ZNF44: variants seen among roughly 807,000 people sequenced by gnomAD.
ZNF44 encodes the protein zinc finger protein 44.
ZNF44 carries 9 observed loss-of-function variants against 11.7 expected under a neutral mutation model. That is an observed-to-expected ratio of 0.77 (90% CI 0.46 to 1.35). The LOEUF (loss-of-function observed/expected upper bound fraction) is 1.35. ZNF44 is among the 40% of genes most tolerant of loss of function. The pLI is 0.00. For synonymous variants in ZNF44, 224 were observed against 242.7 expected, an observed-to-expected ratio of 0.92 and a Z score of 0.72; for missense variants, 696 against 743.1, an observed-to-expected ratio of 0.94 and a Z score of 0.74.
intron 1 of ZNF44, among the ~76,000 whole-genome samples, chr19:12,292,855 G>GTTTTTTTTTTTTTT (rs71166664): frequency 3.9e-4 from 30 of 76,932 alleles, no homozygotes; most frequent in African/African-American, 1.4e-3. Context: ...CAGAGGTTAG[G>GTTTTTTTTTTTTTT]TTTTTTTTTT....
In ZNF44 at chr19:12,256,703, T is replaced by C. The variant is rs890408423; in HGVS notation, c.1913-6335A>G. On this transcript the variant is annotated intron_variant and NMD_transcript_variant, in intron 5 of 7. Transcript: ENST00000393337. ...TCCCCAGAGAGCAATTACTCTTTTT[T>C]TTTTTTTTTTTTTTTGAGACGGAGT... is the stretch of plus-strand genomic sequence containing the variant. Among the ~76,000 whole-genome samples, 4 of 144,806 alleles carry C rather than the reference T, an allele frequency of 2.8e-5. No homozygotes were observed. In the South Asian group the frequency reaches 8.9e-4, roughly 32 times the overall value. 95.0% of individuals were successfully genotyped at this position (144,806 alleles called of 152,430 possible).
At chr19:12,259,638 C>A (rs981804780) in intron 5 of ZNF44, among the ~76,000 whole-genome samples, 1 of 151,826 alleles carries the variant, frequency 6.6e-6, no homozygotes, top group Admixed American at 6.6e-5. Flanking sequence ...TATTTTTTTT[C>A]CCCACCAGAG....
Position 12,273,631 on chromosome 19 carries a change from C to A in ZNF44, c.624G>T (p.Trp208Cys), listed in dbSNP as rs1967076291. ...TTTCATGCATACGTAATAAACTGGG[C>A]CAAAAAAAGGCTTTCCCACACAATT... Reference protein sequence around the residue: ...KCELCGKAFFWPSLLRMHERT... With the variant: ...KCELCGKAFFCPSLLRMHERT... Residue 208 changes from tryptophan to cysteine, a missense_variant, in exon 4 of 4, where the codon TGG becomes TGT. Physicochemically the swap from Trp to Cys is radical, Grantham distance 215 (BLOSUM62 -2). Transcript: ENST00000355684. 2.5e-6 allele frequency: 4 copies of A among 1,613,724 alleles called. No individual in the cohort carries two copies. Among genetic ancestry groups the A allele is most frequent in the Admixed American group, 1.7e-5 (1 of 60,000 alleles).
downstream of ZNF44, chr19:12,271,777 A>G (rs185544040): frequency 6.6e-6 from 1 of 152,294 alleles, no homozygotes; most frequent in East Asian, 1.9e-4. Context: ...TTTTCTTATG[A>G]TTCCCTAAAC....
chr19:12,263,872 C>A (rs1443301171), intron 5 of ZNF44, among the ~76,000 whole-genome samples: 1 of 151,334 alleles, frequency 6.6e-6, no homozygotes, highest in Non-Finnish European at 1.5e-5. Flanking sequence ...TTCCAGTGAG[C>A]CGAGATGGCA....
rs1967098013 is a variant in ZNF44, at chr19:12,273,931, A to G, written c.324T>C (p.Asn108=). 2 of 1,614,154 alleles carry G rather than the reference A, an allele frequency of 1.2e-6. No homozygotes were observed. The highest frequency in any genetic ancestry group is 8.5e-7 in the Non-Finnish European group (1 of 1,180,028). ...ATGAATGACCCATTATGACTTCTCC[A>G]TTCACACTGCTTCCACATGCATCTA... ...ARVDACGSSV[N]GEVIMGHSSL... Residue 108 remains asparagine, a synonymous_variant, in exon 4 of 4, where the codon AAT becomes AAC. Transcript: ENST00000355684.
intron 1 of ZNF44, among the ~76,000 whole-genome samples, chr19:12,282,407 C>T (rs943829394): frequency 2.7e-5 from 4 of 149,502 alleles, no homozygotes; most frequent in Non-Finnish European, 4.4e-5. Context: ...AATCAACCCA[C>T]TTGGAGAAGT....
At chr19:12,247,503 T>TTA (rs1234477630), downstream of ZNF44, 1 of 1,347,274 alleles carries the variant, frequency 7.4e-7, no homozygotes, top group African/African-American at 1.5e-5. Flanking sequence ...ACTGAAGGCT[T>TTA]TACCACACTG....
At chr19:12,260,182 A>G in intron 5 of ZNF44, 2 of 770,810 alleles carry the variant, frequency 2.6e-6, no homozygotes, top group South Asian at 2.7e-5. Context: ...TCTGATCAAG[A>G]GGACTATGCC....
intron 1 of ZNF44, among the ~76,000 whole-genome samples, chr19:12,276,424 CA>C (rs1475260781): frequency 3.3e-5 from 5 of 152,200 alleles, no homozygotes; most frequent in African/African-American, 1.2e-4. Context: ...AAGAGAGTTA[CA>C]ATTAGCAGTC....
chr19:12,249,990 C>T (rs1916926953), exon 7 of ZNF44: 1 of 1,285,842 alleles, frequency 7.8e-7, no homozygotes, highest in Non-Finnish European at 1.0e-6. Context: ...GAGATTTCTC[C>T]CCTGGTTTTT....
chr19:12,260,611 A>G, intron 5 of ZNF44: 1 of 624,042 alleles, frequency 1.6e-6, no homozygotes. Context: ...CAAAAAACAA[A>G]AACAAAAACA....
chr19:12,234,360 T>C (rs1370647667), intron 2 of ZNF44, among the ~76,000 whole-genome samples: 1 of 152,232 alleles, frequency 6.6e-6, no homozygotes, highest in Non-Finnish European at 1.5e-5. Context: ...ATTGATAACA[T>C]GCAAAGATCC....
At chr19:12,279,864 T>TAAAAAAAAA (rs60621062) in intron 1 of ZNF44, among the ~76,000 whole-genome samples, 31 of 121,306 alleles carry the variant, frequency 2.6e-4, no homozygotes, top group Non-Finnish European at 2.7e-4. Flanking sequence ...TGGTCTGAGT[T>TAAAAAAAAA]AAAAAAAAAA....
At chr19:12,247,527 G>A (rs1220107185), downstream of ZNF44, 1 of 1,351,134 alleles carries the variant, frequency 7.4e-7, no homozygotes, top group East Asian at 4.7e-5. Context: ...ACATTCATAA[G>A]GTTTCTCTCC....
At chr19:12,289,713 C>T (rs982165298) in intron 1 of ZNF44, among the ~76,000 whole-genome samples, 5 of 143,468 alleles carry the variant, frequency 3.5e-5, no homozygotes, top group African/African-American at 1.3e-4. Context: ...GGCATGATCT[C>T]GGCTCACTGC....
In ZNF44 at chr19:12,273,250, T is replaced by A. The variant is rs184053499; in HGVS notation, c.1005A>T (p.Gly335=). The A allele has an allele frequency of 2.5e-6, 4 of 1,614,032 alleles. No individual in the cohort carries two copies. In the Admixed American group the frequency reaches 6.7e-5, roughly 27 times the overall value. Residue 335 remains glycine, a synonymous_variant, in exon 4 of 4, where the codon GGA becomes GGT. Coordinates refer to ENST00000355684, the MANE Select transcript of ZNF44 (RefSeq NM_016264.4). The stretch of plus-strand genomic sequence containing the variant: ...TCCCACATATCTTACATTTATGAGG[T>A]CCATCTCCACTGTGCATTATCATGT... ...QRHMIMHSGD[G]PHKCKICGKG...
rs752249864 is a variant in ZNF44 at position 12,248,693 on chromosome 19, T to C, written c.*187-15A>G. On this transcript the variant is annotated splice_polypyrimidine_tract_variant and intron_variant and NMD_transcript_variant, in intron 7 of 7. Transcript: ENST00000393337. ...CCATATGATTTCTGTAAAAAATGAG[T>C]AGCACATTAATAGTTCATTTTTTAA... 3 of 1,220,226 alleles carry C rather than the reference T, an allele frequency of 2.5e-6. No individual in the cohort carries two copies. The Admixed American group carries it at 9.1e-5, about 37-fold the overall frequency. The allele number at this position is 1,220,226 out of a possible 1,614,324, so 75.6% of individuals were successfully genotyped here. A position where few individuals can be genotyped will look rare whatever the true frequency, so the allele number is the denominator to read the frequency against.
intron 1 of ZNF44, among the ~76,000 whole-genome samples, chr19:12,277,827 G>C (rs112052121): frequency 2.2e-4 from 34 of 152,286 alleles, no homozygotes; most frequent in African/African-American, 8.2e-4. Flanking sequence ...CCGAAGGTCT[G>C]AAACAAGGCT....
Sources: gnomAD v4.1 joint callset for allele counts (sites outside exome capture counted in the v4.1 genomes callset) on GRCh38, gnomAD v4.1.1 for gene constraint, MANE v1.5 for transcripts, NCBI Gene and HGNC (gene_info 2026-07-23, HGNC 2026-07-21) for gene names.